Variants in PAMR1 observed in about 807,000 individuals in gnomAD.
The protein encoded by PAMR1 is peptidase domain containing associated with muscle regeneration 1.
In PAMR1, 88 loss-of-function variants were observed where a neutral mutation model predicts 81.8. The ratio of observed to expected loss-of-function variants is 1.08; its 90% CI spans 0.91 to 1.28. The LOEUF is 1.28. Among genes scored for constraint, PAMR1 ranks in the 50% most tolerant of loss-of-function variants. The probability of loss-of-function intolerance (pLI) is 0.00; values close to 1 mark genes in which losing one functional copy is unlikely to be tolerated. For missense variants in PAMR1, 935 were observed against 919.7 expected (o/e 1.02, Z -0.21); for synonymous variants, 336 against 345.3 (o/e 0.97, Z 0.30).
At position 35,494,142 on chromosome 11, in the gene PAMR1, G is replaced by A. The variant is rs538625449; in HGVS notation, c.204C>T (p.Cys68=). ...KREVVGYTIP[C]CRNEENECDS... is the part of the protein sequence containing the mutation. ...CACACTCATTCTCCTCATTCCTGCA[G>A]CAAGGGATGGTATAACCCACGACTT... Residue 68 remains cysteine, a synonymous_variant, in exon 2 of 11, where the codon TGC becomes TGT. Transcript: ENST00000619888. 6.2e-6 allele frequency: 10 copies of A among 1,614,076 alleles called. No individual in the cohort carries two copies. In the East Asian group the frequency reaches 1.8e-4, roughly 29 times the overall value.
chr11:35,462,469 G>T (rs187734064), intron 6 of PAMR1, among the ~76,000 whole-genome samples: 2 of 152,338 alleles, frequency 1.3e-5, no homozygotes, highest in Admixed American at 1.3e-4. Flanking sequence ...GCTTGAGGAG[G>T]TTTGCAAAGG....
intron 6 of PAMR1, among the ~76,000 whole-genome samples, chr11:35,463,068 T>C (rs1380140208): frequency 6.6e-6 from 1 of 152,202 alleles, no homozygotes; most frequent in Admixed American, 6.5e-5. Flanking sequence ...GGGAGAGATG[T>C]TAGTTTACCC....
intron 6 of PAMR1, among the ~76,000 whole-genome samples, chr11:35,453,709 GA>G (rs1465465184): frequency 6.6e-6 from 1 of 152,150 alleles, no homozygotes; most frequent in Non-Finnish European, 1.5e-5. Flanking sequence ...ACTGATTCAT[GA>G]TTCTTTCCTA....
At chr11:35,445,227 A>G (rs1856264692) in intron 6 of PAMR1, among the ~76,000 whole-genome samples, 1 of 152,200 alleles carries the variant, frequency 6.6e-6, no homozygotes, top group South Asian at 2.1e-4. Context: ...TTATCAGCTT[A>G]AGAAGCTTTT....
chr11:35,504,395 G>C (rs957645210), intron 1 of PAMR1, among the ~76,000 whole-genome samples: 3 of 152,148 alleles, frequency 2.0e-5, no homozygotes, highest in Admixed American at 6.5e-5. Flanking sequence ...TAGCCTCATA[G>C]AATGAGTTTG....
chr11:35,470,235 G>T (rs1330350008), intron 5 of PAMR1, among the ~76,000 whole-genome samples: 1 of 152,178 alleles, frequency 6.6e-6, no homozygotes, highest in African/African-American at 2.4e-5. Flanking sequence ...AGCTTGATCT[G>T]TCAGGGATTT....
intron 6 of PAMR1, among the ~76,000 whole-genome samples, chr11:35,457,035 A>T (rs981368612): frequency 6.6e-6 from 1 of 152,200 alleles, no homozygotes; most frequent in African/African-American, 2.4e-5. Context: ...TAGTTTAGAG[A>T]AACAACTAGA....
At chr11:35,469,364 G>C (rs570197100) in intron 5 of PAMR1, among the ~76,000 whole-genome samples, 4 of 152,212 alleles carry the variant, frequency 2.6e-5, no homozygotes, top group Non-Finnish European at 5.9e-5. Flanking sequence ...TCTCCTGACC[G>C]TCCCTCAGTC....
chr11:35,522,083 C>T (rs1851293834), intron 1 of PAMR1, among the ~76,000 whole-genome samples: 1 of 152,028 alleles, frequency 6.6e-6, no homozygotes, highest in Admixed American at 6.6e-5. Context: ...CCACCACGCC[C>T]AGCTAATTTT....
At chr11:35,481,541 G>A (rs576135262) in intron 3 of PAMR1, among the ~76,000 whole-genome samples, 16 of 146,636 alleles carry the variant, frequency 1.1e-4, no homozygotes, top group South Asian at 1.0e-3. Flanking sequence ...TGTTTGTTTT[G>A]AGACAGATTC....
At chr11:35,445,248 G>A (rs562482008) in intron 6 of PAMR1, among the ~76,000 whole-genome samples, 30 of 152,268 alleles carry the variant, frequency 2.0e-4, no homozygotes, top group African/African-American at 6.3e-4. Context: ...GGTCTGAGAC[G>A]ATGGGGTTTT....
chr11:35,514,290 T>C (rs1278555603), intron 1 of PAMR1, among the ~76,000 whole-genome samples: 1 of 152,204 alleles, frequency 6.6e-6, no homozygotes, highest in Non-Finnish European at 1.5e-5. Context: ...AAGACACAGA[T>C]GGCAAGGGAA....
chr11:35,504,345 G>A (rs1049054443), intron 1 of PAMR1, among the ~76,000 whole-genome samples: 1 of 151,976 alleles, frequency 6.6e-6, no homozygotes, highest in Admixed American at 6.6e-5. Context: ...CTTTTTTGCT[G>A]TTGTTCTATC....
intron 1 of PAMR1, among the ~76,000 whole-genome samples, chr11:35,510,819 T>C (rs1565360157): frequency 6.6e-6 from 1 of 152,226 alleles, no homozygotes; most frequent in Non-Finnish European, 1.5e-5. Context: ...AGTGCTCCCC[T>C]GATCCCCTCT....
intron 6 of PAMR1, among the ~76,000 whole-genome samples, chr11:35,465,103 G>T (rs189895671): frequency 6.6e-6 from 1 of 152,118 alleles, no homozygotes; most frequent in African/African-American, 2.4e-5. Context: ...TGAAATTATG[G>T]CCTCTGGTTT....
intron 6 of PAMR1, among the ~76,000 whole-genome samples, chr11:35,462,648 T>C (rs1726468551): frequency 6.6e-6 from 1 of 152,152 alleles, no homozygotes; most frequent in Non-Finnish European, 1.5e-5. Context: ...TCAGAAACAG[T>C]GGGATGGCTC....
chr11:35,519,450 A>G (rs1851230536), intron 1 of PAMR1, among the ~76,000 whole-genome samples: 2 of 152,196 alleles, frequency 1.3e-5, no homozygotes, highest in South Asian at 2.1e-4. Flanking sequence ...AAATGGTCTC[A>G]TTAGCAATTC....
rs759896615 is a variant in PAMR1 at position 35,441,581 on chromosome 11, C to A, written c.933G>T (p.Val311=). The A allele has an allele frequency of 2.6e-5, 42 of 1,614,040 alleles. No individual in the cohort carries two copies. The East Asian group carries it at 9.1e-4, about 35-fold the overall frequency. ...CATAGGAGTTGTTACAAAAGAAAGA[C>A]ACCACGGTGCCAATTTTAGCATGGC... The part of the protein sequence containing the change: ...NGRHAKIGTV[V]SFFCNNSYVL... The change falls in exon 7 of 11, where the codon GTG becomes GTT. Residue 311 remains valine, a synonymous_variant. Transcript: ENST00000619888.
chr11:35,475,607 A>G (rs1317479394), intron 3 of PAMR1, among the ~76,000 whole-genome samples: 1 of 152,216 alleles, frequency 6.6e-6, no homozygotes, highest in Non-Finnish European at 1.5e-5. Flanking sequence ...AAGTTTGGGG[A>G]AAATGTCTTG....
Sources: allele counts gnomAD v4.1 joint callset (sites outside exome capture counted in the v4.1 genomes callset), GRCh38; gene constraint gnomAD v4.1.1; transcripts MANE v1.5; gene names NCBI Gene and HGNC (gene_info 2026-07-23, HGNC 2026-07-21).